FHIT: variants seen among roughly 807,000 people sequenced by gnomAD.
FHIT encodes bis(5'-adenosyl)-triphosphatase.
Under a neutral mutation model 17.9 loss-of-function variants are expected in FHIT, and 19 were observed. That is an observed-to-expected ratio of 1.06 (90% CI 0.74 to 1.56). FHIT has a LOEUF of 1.56. Ranked by LOEUF, FHIT falls within the 40% of genes most tolerant of loss-of-function variation. FHIT has a pLI of 0.00. For synonymous variants in FHIT, 81 were observed against 69.7 expected (o/e 1.16, Z -0.81); for missense variants, 248 against 189.2 (o/e 1.31, Z -1.82).
At chr3:60,329,512 AC>A in intron 5 of FHIT, among the ~76,000 whole-genome samples, 1 of 152,194 alleles carries the variant, frequency 6.6e-6, no homozygotes. Context: ...CATGAACCTA[AC>A]CCAGCTGCTT....
chr3:60,302,186 G>A (rs1044389176), intron 5 of FHIT, among the ~76,000 whole-genome samples: 1 of 151,998 alleles, frequency 6.6e-6, no homozygotes, highest in Non-Finnish European at 1.5e-5. Context: ...GAAGATATTG[G>A]TCATTCTTTT....
At chr3:60,937,770 T>C (rs1708255210) in intron 3 of FHIT, among the ~76,000 whole-genome samples, 1 of 151,928 alleles carries the variant, frequency 6.6e-6, no homozygotes, top group Admixed American at 6.6e-5. Flanking sequence ...CACCACATTG[T>C]TCAGGCTGGT....
chr3:60,632,052 G>A (rs1559599328), intron 4 of FHIT, among the ~76,000 whole-genome samples: 1 of 151,572 alleles, frequency 6.6e-6, no homozygotes, highest in African/African-American at 2.4e-5. Flanking sequence ...ACTAGAATGT[G>A]CTCTTGGCTG....
intron 3 of FHIT, among the ~76,000 whole-genome samples, chr3:60,878,763 A>C (rs1704809560): frequency 6.6e-6 from 1 of 151,984 alleles, no homozygotes; most frequent in East Asian, 1.9e-4. Context: ...CCTTGCAATA[A>C]TTTGCTGAGA....
chr3:60,656,079 A>G (rs1553689476), intron 4 of FHIT, among the ~76,000 whole-genome samples: 1 of 152,180 alleles, frequency 6.6e-6, no homozygotes, highest in Non-Finnish European at 1.5e-5. Flanking sequence ...ATAATCTAAA[A>G]TAAATTGCTT....
In FHIT at chr3:60,458,578, TAA is replaced by T. The variant is rs1259470502; in HGVS notation, c.103+78280_103+78281del. Among the ~76,000 whole-genome samples the T allele has an allele frequency of 3.0e-5, 4 of 131,186 alleles. No individual in the cohort carries two copies. The East Asian group carries it at 8.0e-4, about 26-fold the overall frequency. The allele number at this position is 131,186 out of a possible 152,430, so 86.1% of individuals were successfully genotyped here. On this transcript the variant is annotated intron_variant, in intron 5 of 9. Transcript: ENST00000492590. ...TGTTGTGCACATGTACCCTAAAACT[TAA>T]AGTGTAATAATAATAATAATAATAA...
intron 1 of FHIT, among the ~76,000 whole-genome samples, chr3:61,213,827 A>C (rs1314856650): frequency 6.6e-6 from 1 of 152,248 alleles, no homozygotes; most frequent in Non-Finnish European, 1.5e-5. Context: ...CAGTGCAATC[A>C]AACTAGAACT....
At chr3:60,452,230 A>C (rs1438495915) in intron 5 of FHIT, among the ~76,000 whole-genome samples, 1 of 152,192 alleles carries the variant, frequency 6.6e-6, no homozygotes, top group Non-Finnish European at 1.5e-5. Context: ...CAATAATAAA[A>C]TCACACTAAT....
intron 4 of FHIT, among the ~76,000 whole-genome samples, chr3:60,622,027 A>G (rs1372315320): frequency 6.6e-6 from 1 of 152,164 alleles, no homozygotes; most frequent in Non-Finnish European, 1.5e-5. Flanking sequence ...TCTTAGCTAC[A>G]CAAACATAGG....
chr3:60,792,268 G>A (rs782727363), intron 4 of FHIT, among the ~76,000 whole-genome samples: 2 of 152,126 alleles, frequency 1.3e-5, no homozygotes, highest in African/African-American at 2.4e-5. Context: ...GGCTTTTTTT[G>A]TAAGTGTGTA....
intron 6 of FHIT, among the ~76,000 whole-genome samples, chr3:60,012,229 G>A (rs1044443903): frequency 6.7e-6 from 1 of 149,900 alleles, no homozygotes; most frequent in African/African-American, 2.5e-5. Flanking sequence ...GTTGCAATCA[G>A]CATTACAAAC....
At chr3:60,014,811 G>A (rs1046735631) in intron 5 of FHIT, among the ~76,000 whole-genome samples, 5 of 151,976 alleles carry the variant, frequency 3.3e-5, no homozygotes, top group South Asian at 2.1e-4. Context: ...AATCATGAAC[G>A]AAAGGTTGTC....
At chr3:60,772,376 T>A (rs1210193365) in intron 4 of FHIT, among the ~76,000 whole-genome samples, 1 of 146,662 alleles carries the variant, frequency 6.8e-6, no homozygotes, top group Non-Finnish European at 1.5e-5. Flanking sequence ...AGAGGCATAA[T>A]CAAAATCTGA....
At chr3:60,928,257 T>C (rs1345244998) in intron 3 of FHIT, among the ~76,000 whole-genome samples, 2 of 148,014 alleles carry the variant, frequency 1.4e-5, no homozygotes, top group Non-Finnish European at 3.0e-5. Flanking sequence ...TATTGTCCTA[T>C]GACCCTGCGA....
chr3:59,898,928 A>G (rs974142764), intron 8 of FHIT, among the ~76,000 whole-genome samples: 3 of 152,212 alleles, frequency 2.0e-5, no homozygotes, highest in Non-Finnish European at 4.4e-5. Context: ...CATGACCTAG[A>G]AAACAGCCTT....
At chr3:60,767,761 C>T (rs1189524851) in intron 4 of FHIT, among the ~76,000 whole-genome samples, 2 of 152,214 alleles carry the variant, frequency 1.3e-5, no homozygotes, top group South Asian at 2.1e-4. Context: ...TGTTAAGCAA[C>T]TCTTGTTCTA....
At chr3:60,427,464 A>G (rs1702714992) in intron 5 of FHIT, among the ~76,000 whole-genome samples, 1 of 152,076 alleles carries the variant, frequency 6.6e-6, no homozygotes, top group African/African-American at 2.4e-5. Flanking sequence ...TCCAGCCTAA[A>G]TATTCCAGCC....
At chr3:60,919,814 T>C (rs929536204) in intron 3 of FHIT, among the ~76,000 whole-genome samples, 9 of 152,100 alleles carry the variant, frequency 5.9e-5, no homozygotes, top group African/African-American at 2.2e-4. Context: ...GATAGGTAGA[T>C]CACAAGGTCA....
chr3:61,003,106 G>C (rs966538714), intron 3 of FHIT, among the ~76,000 whole-genome samples: 1 of 152,136 alleles, frequency 6.6e-6, no homozygotes, highest in Non-Finnish European at 1.5e-5. Flanking sequence ...TAAAACTAAA[G>C]CACAGGAGAA....
Sources: gnomAD v4.1 joint callset for allele counts (sites outside exome capture counted in the v4.1 genomes callset) on GRCh38, gnomAD v4.1.1 for gene constraint, MANE v1.5 for transcripts, NCBI Gene and HGNC (gene_info 2026-07-23, HGNC 2026-07-21) for gene names.